The following UBE2O variants were observed in gnomAD, a reference collection of about 807,000 sequenced individuals.
The protein encoded by UBE2O is ubiquitin conjugating enzyme E2 O.
In UBE2O, 15 loss-of-function variants were observed where a neutral mutation model predicts 125.8. That is an observed-to-expected ratio of 0.12 (90% CI 0.08 to 0.18). The LOEUF is 0.18. Ranked by LOEUF, UBE2O falls within the 10% of genes least tolerant of loss-of-function variation. UBE2O has a pLI of 1.00. For synonymous variants in UBE2O, 708 were observed against 703.2 expected, an observed-to-expected ratio of 1.01 and a Z score of -0.11; for missense variants, 1,280 against 1,723.6, an observed-to-expected ratio of 0.74 and a Z score of 4.56.
Position 76,390,929 on chromosome 17 carries a change from T to C in UBE2O, c.*14A>G, listed in dbSNP as rs748876884. ...CCTCTCCCACGGTGATGCTCTTTCC[T>C]CTGTGCCTGGCAGCTACTTGTCCTC... On this transcript the variant is annotated 3_prime_UTR_variant, in exon 18 of 18. Coordinates refer to ENST00000319380, the MANE Select transcript of UBE2O (RefSeq NM_022066.4). The C allele has an allele frequency of 1.9e-5, 30 of 1,583,776 alleles. No individual in the cohort carries two copies. The highest frequency in any genetic ancestry group is 2.3e-5 in the Non-Finnish European group (27 of 1,165,718).
rs775696938 is a variant in UBE2O, at chr17:76,399,004, G to A, written c.1629-13C>T. 14 of 1,612,686 alleles carry A rather than the reference G, an allele frequency of 8.7e-6. No individual in the cohort carries two copies. In the African/African-American group the frequency reaches 1.7e-4, roughly 20 times the overall value. ...CTCCACTGCCACCCTGCGGGTGCAG[G>A]CCAGTCAGCAGGCCATGCAAACCCC... On this transcript the variant is annotated splice_polypyrimidine_tract_variant and intron_variant, in intron 9 of 17. Coordinates refer to ENST00000319380, the MANE Select transcript of UBE2O (RefSeq NM_022066.4). The surrounding 1 kb of genome is among the most constrained non-coding windows in gnomAD (Gnocchi z 6.9).
chr17:76,453,147 C>T lies in UBE2O; in HGVS notation c.-6G>A, dbSNP rs970888000. ...GGGGCTGCGGGATCCGCCATAACTGCTCTGCGCGAGTCTCGGGCGGCGGCG... is the reference window on the plus strand; with the variant it reads ...GGGGCTGCGGGATCCGCCATAACTGTTCTGCGCGAGTCTCGGGCGGCGGCG... On this transcript the variant is annotated 5_prime_UTR_variant, in exon 1 of 18. Transcript: ENST00000319380. 5 of 583,598 alleles carry T rather than the reference C, an allele frequency of 8.6e-6. No individual in the cohort carries two copies. The highest frequency in any genetic ancestry group is 1.9e-5 in the African/African-American group (1 of 51,552). 36.2% of individuals were successfully genotyped at this position (583,598 alleles called of 1,614,324 possible). A position where few individuals can be genotyped will look rare whatever the true frequency, so the allele number is the denominator to read the frequency against.
At chr17:76,412,253 A>G (rs1292762832) in intron 1 of UBE2O, among the ~76,000 whole-genome samples, 1 of 152,206 alleles carries the variant, frequency 6.6e-6, no homozygotes, top group Non-Finnish European at 1.5e-5. Flanking sequence ...ACAGGACTGA[A>G]GCTGTTGACC....
At chr17:76,446,155 A>T (rs1343638779) in intron 1 of UBE2O, among the ~76,000 whole-genome samples, 2 of 152,204 alleles carry the variant, frequency 1.3e-5, no homozygotes, top group Non-Finnish European at 2.9e-5. Context: ...TGGGCAAGGA[A>T]ATTCCAAAAG....
At chr17:76,440,472 C>T (rs531042950) in intron 1 of UBE2O, among the ~76,000 whole-genome samples, 8 of 152,254 alleles carry the variant, frequency 5.3e-5, no homozygotes, top group South Asian at 2.1e-4. Flanking sequence ...GGACTACAGG[C>T]GTAAGCTGCC....
chr17:76,398,298 C>A lies in UBE2O; in HGVS notation c.1982G>T (p.Arg661Leu). 1.2e-6 allele frequency: 2 copies of A among 1,614,146 alleles called. No homozygotes were observed. Among genetic ancestry groups the A allele is most frequent in the Non-Finnish European group, 1.7e-6 (2 of 1,180,014 alleles). Reference sequence around the variant, plus strand: ...AGCCCCATCCTCAGTATTGCCGATGCGGATGACGATGTCAGTTGTACGGAA... The same window carrying A: ...AGCCCCATCCTCAGTATTGCCGATGAGGATGACGATGTCAGTTGTACGGAA... Reference protein sequence around the residue: ...FRFRTTDIVIRIGNTEDGAPH... With the variant: ...FRFRTTDIVILIGNTEDGAPH... Residue 661 changes from arginine to leucine, a missense_variant, in exon 12 of 18, where the codon CGC becomes CTC. Physicochemically the swap from Arg to Leu is moderately radical, Grantham distance 102. Transcript: ENST00000319380. The surrounding 1 kb of genome is among the most constrained non-coding windows in gnomAD (Gnocchi z 5.4).
At chr17:76,447,820 C>T (rs947727479) in intron 1 of UBE2O, among the ~76,000 whole-genome samples, 4 of 152,162 alleles carry the variant, frequency 2.6e-5, no homozygotes, top group African/African-American at 9.7e-5. Flanking sequence ...CTCTTTGGTG[C>T]AGCATCACCC....
chr17:76,396,099 A>C lies in UBE2O; in HGVS notation c.2809+29T>G. On this transcript the variant is annotated intron_variant, in intron 14 of 17. Coordinates refer to ENST00000319380, the MANE Select transcript of UBE2O (RefSeq NM_022066.4). This position sits in a 1 kb window ranked among gnomAD's most constrained non-coding sequence, Gnocchi z 6.7. The stretch of plus-strand genomic sequence containing the variant: ...ACAGGAGCCCCGAGAAGGCGGGGGA[A>C]GGCGAAGACCAGGCAAGGGCTGACT... The C allele has an allele frequency of 6.2e-7, 1 of 1,605,540 alleles. No homozygotes were observed. Among genetic ancestry groups the C allele is most frequent in the Non-Finnish European group, 8.5e-7 (1 of 1,175,290 alleles).
At chr17:76,448,121 T>C (rs973912415) in intron 1 of UBE2O, among the ~76,000 whole-genome samples, 10 of 152,098 alleles carry the variant, frequency 6.6e-5, no homozygotes, top group African/African-American at 2.2e-4. Flanking sequence ...ACACCCTTCA[T>C]CTGGGGAAAG....
intron 1 of UBE2O, among the ~76,000 whole-genome samples, chr17:76,439,896 G>A (rs1000532086): frequency 1.3e-5 from 2 of 152,098 alleles, no homozygotes; most frequent in African/African-American, 4.8e-5. Flanking sequence ...CTAGGCTCTC[G>A]CTCCCTTATG....
chr17:76,394,647 A>G (rs2072173468), intron 15 of UBE2O, among the ~76,000 whole-genome samples: 1 of 152,186 alleles, frequency 6.6e-6, no homozygotes, highest in Non-Finnish European at 1.5e-5. Flanking sequence ...TTTAGTGTAT[A>G]AATAATGTAA....
At position 76,395,663 on chromosome 17, in the gene UBE2O, G is replaced by A; in HGVS notation, c.2946+62C>T. 2 of 1,548,542 alleles carry A rather than the reference G, an allele frequency of 1.3e-6. No homozygotes were observed. Among genetic ancestry groups the A allele is most frequent in the Non-Finnish European group, 1.7e-6 (2 of 1,149,950 alleles). ...GAGGTTTGGGGACCCAAGGTTGGTG[G>A]CCTCTTGGGCACTGGGTGCCCACAC... On this transcript the variant is annotated intron_variant, in intron 15 of 17. Coordinates refer to ENST00000319380, the MANE Select transcript of UBE2O (RefSeq NM_022066.4). This position sits in a 1 kb window ranked among gnomAD's most constrained non-coding sequence, Gnocchi z 5.0.
At position 76,439,124 on chromosome 17, in the gene UBE2O, C is replaced by T. The variant is rs117327671; in HGVS notation, c.417+13601G>A. 6.6e-5 allele frequency among the ~76,000 whole-genome samples: 10 copies of T among 152,332 alleles called. No individual in the cohort carries two copies. In the East Asian group the frequency reaches 1.7e-3, roughly 26 times the overall value. On this transcript the variant is annotated intron_variant, in intron 1 of 17. Coordinates refer to ENST00000319380, the MANE Select transcript of UBE2O (RefSeq NM_022066.4). Reference sequence around the variant, plus strand: ...TGGCCTTTCCAGGGGCAGCTGACGGCGTGGTTTGGAGGCGCTTGCCTGGCT... The same window carrying T: ...TGGCCTTTCCAGGGGCAGCTGACGGTGTGGTTTGGAGGCGCTTGCCTGGCT...
chr17:76,396,424 G>T lies in UBE2O; in HGVS notation c.2513C>A (p.Thr838Asn). ...TVEQLLTGSP[T>N]SPTVEPEKPT... ...CTTCTCAGGCTCCACAGTCGGAGAG[G>T]TGGGCGAGCCCGTCAGCAGCTGCTC... Residue 838 changes from threonine (T) to asparagine (N), a missense_variant, in exon 14 of 18, where the codon ACC becomes AAC. By Grantham distance (65) the Thr-to-Asn change is moderately conservative. Around this residue, in one of 10 missense-constraint regions of UBE2O, gnomAD observed 210 missense variants for 268.9 expected, o/e 0.78. Transcript: ENST00000319380. This position sits in a 1 kb window ranked among gnomAD's most constrained non-coding sequence, Gnocchi z 6.7. 6.2e-7 allele frequency: 1 copy of T among 1,614,152 alleles called. No individual in the cohort carries two copies. Among genetic ancestry groups the T allele is most frequent in the South Asian group, 1.1e-5 (1 of 91,080 alleles).
At chr17:76,424,853 T>A (rs1409403103) in intron 1 of UBE2O, among the ~76,000 whole-genome samples, 1 of 151,652 alleles carries the variant, frequency 6.6e-6, no homozygotes, top group Non-Finnish European at 1.5e-5. Flanking sequence ...CTGTTTCTTT[T>A]TTTTTTTTTA....
Position 76,415,795 on chromosome 17 carries a change from C to CTGTGTGTGTG in UBE2O, c.418-10233_418-10224dup, listed in dbSNP as rs34127040. Among the ~76,000 whole-genome samples, 1,101 of 143,268 alleles carry CTGTGTGTGTG rather than the reference C, an allele frequency of 7.7e-3. 11 individuals are homozygous for CTGTGTGTGTG. The highest frequency in any genetic ancestry group is 0.026 in the African/African-American group (1,011 of 38,612). 94.0% of individuals were successfully genotyped at this position (143,268 alleles called of 152,430 possible). ...CTCCAGCTTGGGCAACAGAGCAAGACTGTGTGTGTGTGTGTGTGTGTGTGT... is the reference window on the plus strand; with the variant it reads ...CTCCAGCTTGGGCAACAGAGCAAGACTGTGTGTGTGTGTGTGTGTGTGTGTGTGTGTGTGT... On this transcript the variant is annotated intron_variant, in intron 1 of 17. Transcript: ENST00000319380.
intron 1 of UBE2O, among the ~76,000 whole-genome samples, chr17:76,443,489 A>G (rs1355592707): frequency 6.6e-6 from 1 of 152,024 alleles, no homozygotes; most frequent in East Asian, 1.9e-4. Context: ...GGGTTTCACC[A>G]TGTTGGCCAG....
Position 76,453,109 on chromosome 17 carries a change from A to G in UBE2O, c.33T>C (p.Ala11=). The G allele has an allele frequency of 1.1e-6, 1 of 878,296 alleles. No individual in the cohort carries two copies. The highest frequency in any genetic ancestry group is 1.6e-6 in the Non-Finnish European group (1 of 641,038). The allele number at this position is 878,296 out of a possible 1,614,324, so 54.4% of individuals were successfully genotyped here. Residue 11 remains alanine, a synonymous_variant, in exon 1 of 18, where the codon GCT becomes GCC. Transcript: ENST00000319380. MADPAAPTPA[A]PAPAQAPAPA... ...GAGCCGGGGCCTGGGCTGGAGCGGGAGCTGCGGGCGTGGGGGCTGCGGGAT... is the reference window on the plus strand; with the variant it reads ...GAGCCGGGGCCTGGGCTGGAGCGGGGGCTGCGGGCGTGGGGGCTGCGGGAT...
chr17:76,396,318 A>G lies in UBE2O; in HGVS notation c.2619T>C (p.Ile873=), dbSNP rs767645976. Residue 873 remains isoleucine (I), a synonymous_variant, in exon 14 of 18, where the codon ATT becomes ATC. Transcript: ENST00000319380. The surrounding 1 kb of genome is among the most constrained non-coding windows in gnomAD (Gnocchi z 6.7). ...CTGCTTCCATCTTCTCCTCCTCTAC[A>G]ATGGCCACATTGTCCAGGGTCTTCT... ...NLKKTLDNVA[I]VEEEKMEAVP... 3 of 1,614,072 alleles carry G rather than the reference A, an allele frequency of 1.9e-6. No individual in the cohort carries two copies. Among genetic ancestry groups the G allele is most frequent in the East Asian group, 4.5e-5 (2 of 44,874 alleles).
Sources: gnomAD v4.1 joint callset for allele counts (sites outside exome capture counted in the v4.1 genomes callset) on GRCh38, gnomAD v4.1.1 for gene constraint, gnomAD v4.1.1 regional missense constraint, Gnocchi (gnomAD v3.1) non-coding constraint, MANE v1.5 for transcripts, NCBI Gene and HGNC (gene_info 2026-07-23, HGNC 2026-07-21) for gene names.